The following TDRD1 variants were observed in gnomAD, a reference collection of about 807,000 sequenced individuals.
TDRD1 encodes tudor domain containing 1, also known as tudor domain-containing protein 1.
TDRD1 carries 37 observed loss-of-function variants against 140.6 expected under a neutral mutation model. The ratio of observed to expected loss-of-function variants is 0.26; its 90% confidence interval spans 0.20 to 0.35. The LOEUF is 0.35. TDRD1 is among the 10% of genes least tolerant of loss of function. The pLI is 1.00. For synonymous variants in TDRD1, 506 were observed against 475.7 expected (o/e 1.06, Z -0.83); for missense variants, 1,243 against 1,393.0 (o/e 0.89, Z 1.71).
chr10:114,191,327 A>T (rs1267684707), intron 3 of TDRD1, among the ~76,000 whole-genome samples: 1 of 152,084 alleles, frequency 6.6e-6, no homozygotes, highest in Non-Finnish European at 1.5e-5. Flanking sequence ...CCATCACTAC[A>T]AGGGTCCCTT....
exon 9 of TDRD1, chr10:114,204,142 T>G (rs751862744): frequency 1.2e-6 from 2 of 1,603,092 alleles, no homozygotes; most frequent in Non-Finnish European, 1.7e-6. Flanking sequence ...ATATATTGAT[T>G]ATGGAAATGA....
intron 11 of TDRD1, among the ~76,000 whole-genome samples, chr10:114,208,174 G>T (rs1428237179): frequency 2.6e-5 from 4 of 152,166 alleles, no homozygotes; most frequent in African/African-American, 9.7e-5. Flanking sequence ...GGTATAGGAT[G>T]GGGAAGTATT....
At position 114,187,007 on chromosome 10, in the gene TDRD1, TA is replaced by T. The variant is rs575278072; in HGVS notation, c.-6-818del. Reference sequence around the variant, plus strand: ...TTTTGGGAGCAAAGCTATCAGTCACTACTTCAGAAAGAAGAGGTGTTCGTCC... The same window carrying T: ...TTTTGGGAGCAAAGCTATCAGTCACTCTTCAGAAAGAAGAGGTGTTCGTCC... On this transcript the variant is annotated intron_variant, in intron 1 of 25. Coordinates refer to ENST00000251864, the Ensembl canonical transcript of TDRD1. Among the ~76,000 whole-genome samples the T allele has an allele frequency of 5.9e-5, 9 of 152,334 alleles. No individual in the cohort carries two copies. In the East Asian group the frequency reaches 1.7e-3, roughly 29 times the overall value.
chr10:114,228,703 C>G, intron 25 of TDRD1: 1 of 985,124 alleles, frequency 1.0e-6, no homozygotes, highest in Non-Finnish European at 1.2e-6. Context: ...GTGTTCCTCC[C>G]CACCCCACCC....
At chr10:114,229,542 T>G (rs1448892406) in intron 25 of TDRD1, among the ~76,000 whole-genome samples, 11 of 149,548 alleles carry the variant, frequency 7.4e-5, no homozygotes, top group African/African-American at 2.5e-4. Context: ...TTAAAATCTT[T>G]TAATCTTTTT....
intron 3 of TDRD1, among the ~76,000 whole-genome samples, chr10:114,192,970 A>G (rs1402984460): frequency 6.6e-6 from 1 of 152,162 alleles, no homozygotes; most frequent in Non-Finnish European, 1.5e-5. Flanking sequence ...TCTCATCTCT[A>G]CAAAAAATAT....
intron 1 of TDRD1, among the ~76,000 whole-genome samples, chr10:114,182,024 C>T (rs557814616): frequency 3.3e-5 from 5 of 152,020 alleles, no homozygotes; most frequent in African/African-American, 7.2e-5. Context: ...GGTGACTGAA[C>T]GTTTTATCTG....
chr10:114,213,501 G>A (rs368049271), exon 15 of TDRD1: 1 of 1,613,858 alleles, frequency 6.2e-7, no homozygotes, highest in African/African-American at 1.3e-5. Context: ...TCATGTCAGT[G>A]TTAGCAAAGT....
intron 14 of TDRD1, among the ~76,000 whole-genome samples, chr10:114,212,308 G>A (rs2616636): frequency 0.47 from 70,864 of 151,990 alleles, 17,516 homozygotes; most frequent in African/African-American, 0.64. Flanking sequence ...TCCTCAGGCT[G>A]TGTTGCAAGA....
At chr10:114,191,044 C>T in intron 3 of TDRD1, 25 bp downstream of exon 3, 2 of 1,605,058 alleles carry the variant, frequency 1.2e-6, no homozygotes, top group South Asian at 1.1e-5. Flanking sequence ...TGTGTGTGTG[C>T]TTGTTTGGGT....
At chr10:114,194,014 T>C (rs748649544) in intron 3 of TDRD1, among the ~76,000 whole-genome samples, 6 of 152,240 alleles carry the variant, frequency 3.9e-5, no homozygotes, top group Non-Finnish European at 8.8e-5. Context: ...ATATTTTGAA[T>C]GGTTAACTAG....
At chr10:114,205,818 G>T (rs1010600921) in intron 10 of TDRD1, among the ~76,000 whole-genome samples, 2 of 152,160 alleles carry the variant, frequency 1.3e-5, no homozygotes, top group Admixed American at 1.3e-4. Context: ...GCACAATAGG[G>T]TGACTGTAGT....
intron 19 of TDRD1, 51 bp downstream of exon 19, chr10:114,220,894 A>T (rs536193510): frequency 7.3e-7 from 1 of 1,364,178 alleles, no homozygotes; most frequent in African/African-American, 1.4e-5. Context: ...CTTTGCTCTC[A>T]GAGACTATGA....
chr10:114,198,749 G>A (rs1364911589), intron 3 of TDRD1, among the ~76,000 whole-genome samples: 1 of 152,146 alleles, frequency 6.6e-6, no homozygotes, highest in Non-Finnish European at 1.5e-5. Context: ...GAGCTCCTGA[G>A]CTCCAGTGTT....
chr10:114,204,340 A>G, intron 9 of TDRD1, 124 bp downstream of exon 9: 1 of 1,064,582 alleles, frequency 9.4e-7, no homozygotes, highest in Non-Finnish European at 1.3e-6. Context: ...TATGTAAATA[A>G]ACACTCATGG....
intron 3 of TDRD1, among the ~76,000 whole-genome samples, chr10:114,193,308 T>C (rs1357661350): frequency 6.6e-5 from 10 of 150,484 alleles, no homozygotes; most frequent in Non-Finnish European, 1.5e-4. Context: ...TTTTTTTTTT[T>C]TTTGAGACAG....
intron 10 of TDRD1, 79 bp from the exon 11 acceptor site, chr10:114,206,165 C>A: frequency 9.1e-7 from 1 of 1,097,612 alleles, no homozygotes; most frequent in Non-Finnish European, 1.4e-6. Flanking sequence ...GTATGATTGA[C>A]TTGTTTCTTC....
At chr10:114,228,357 A>G in intron 25 of TDRD1, 2 of 1,274,162 alleles carry the variant, frequency 1.6e-6, no homozygotes, top group Non-Finnish European at 9.9e-7. Context: ...TTCCAGTTGT[A>G]ATAGCCTTTC....
intron 3 of TDRD1, among the ~76,000 whole-genome samples, chr10:114,191,416 C>T (rs2120261604): frequency 6.6e-6 from 1 of 152,336 alleles, no homozygotes; most frequent in South Asian, 2.1e-4. Flanking sequence ...ATAGCAGCCA[C>T]TGATATGCAT....
Sources: gnomAD v4.1 joint callset for allele counts (sites outside exome capture counted in the v4.1 genomes callset) on GRCh38, gnomAD v4.1.1 for gene constraint, MANE v1.5 for transcripts, NCBI Gene and HGNC (gene_info 2026-07-23, HGNC 2026-07-21) for gene names.